CAST: variants seen among roughly 807,000 people sequenced by gnomAD.
The protein encoded by CAST is calpastatin.
CAST carries 76 observed loss-of-function variants against 119.6 expected under a neutral mutation model. The ratio of observed to expected loss-of-function variants is 0.64; its 90% CI spans 0.53 to 0.77. The LOEUF (loss-of-function observed/expected upper bound fraction) is 0.77. CAST is among the 30% of genes least tolerant of loss of function. The pLI is 0.00. For missense variants in CAST, 953 were observed against 946.5 expected, an observed-to-expected ratio of 1.01 and a Z score of -0.09; for synonymous variants, 319 against 331.6, an observed-to-expected ratio of 0.96 and a Z score of 0.41.
At position 96,742,750 on chromosome 5, in the gene CAST, C is replaced by G. The variant is rs764303127; in HGVS notation, c.1194C>G (p.Val398=). ...PELDLRSIKE[V]DEAKAKEEKL... is the part of the protein sequence containing the mutation. ...TCGACCTCCGCTCAATTAAGGAAGT[C>G]GATGAGGTACTGACCTTAGAGTTGA... Residue 398 remains valine, a synonymous_variant, in exon 16 of 32, where the codon GTC becomes GTG. Coordinates refer to ENST00000675179, the MANE Select transcript of CAST (RefSeq NM_001750.7). 1 of 1,610,440 alleles carries G rather than the reference C, an allele frequency of 6.2e-7. No individual in the cohort carries two copies. Among genetic ancestry groups the G allele is most frequent in the Non-Finnish European group, 8.5e-7 (1 of 1,176,778 alleles).
chr5:96,151,504 A>G, the CAST span, among the ~76,000 whole-genome samples: 1 of 152,100 alleles, frequency 6.6e-6, no homozygotes, highest in Admixed American at 6.5e-5. Context: ...AAGAATCATA[A>G]AACTGCTCTT....
chr5:96,529,047 T>C (rs1171808861), upstream of CAST, among the ~76,000 whole-genome samples: 1 of 152,250 alleles, frequency 6.6e-6, no homozygotes, highest in East Asian at 1.9e-4. Flanking sequence ...TGACATTTAT[T>C]TGGCAGGTTT....
chr5:96,011,876 T>C, the CAST span, among the ~76,000 whole-genome samples: 5 of 152,182 alleles, frequency 3.3e-5, no homozygotes, highest in Admixed American at 6.6e-5. Context: ...TAGAAATACA[T>C]TCTTAGAGTA....
the CAST span, among the ~76,000 whole-genome samples, chr5:96,073,784 C>T: frequency 6.6e-5 from 10 of 152,302 alleles, no homozygotes; most frequent in South Asian, 6.2e-4. Context: ...TTCTGCTGTG[C>T]GACCCTGTTC....
chr5:96,031,528 C>T, the CAST span, among the ~76,000 whole-genome samples: 1 of 152,130 alleles, frequency 6.6e-6, no homozygotes, highest in East Asian at 1.9e-4. Flanking sequence ...CATAAAGATA[C>T]TTTTCTTCAC....
chr5:96,047,199 C>T, the CAST span, among the ~76,000 whole-genome samples: 4 of 152,124 alleles, frequency 2.6e-5, no homozygotes, highest in African/African-American at 9.7e-5. Context: ...CTTGCAAGCT[C>T]ACAGATAAGC....
At chr5:96,140,658 C>A in the CAST span, among the ~76,000 whole-genome samples, 1 of 152,196 alleles carries the variant, frequency 6.6e-6, no homozygotes, top group Admixed American at 6.5e-5. Context: ...TAATGATAAT[C>A]TCTTCCTGAG....
At chr5:96,662,211 G>A (rs1035944803), upstream of CAST, 8 of 509,820 alleles carry the variant, frequency 1.6e-5, no homozygotes, top group African/African-American at 1.6e-4. Flanking sequence ...CAGGAGCCCG[G>A]GTCCCTCCGC....
rs1172563922 is a variant in CAST at position 96,529,866 on chromosome 5, C to T, written c.46C>T (p.Gln16Ter). 2.3e-6 allele frequency: 1 copy of T among 433,776 alleles called. No homozygotes were observed. The highest frequency in any genetic ancestry group is 1.6e-5 in the South Asian group (1 of 60,958). The allele number at this position is 433,776 out of a possible 1,614,324, so 26.9% of individuals were successfully genotyped here. ...GATTGTAAGTTTCCTGAGGCCTTCC[C>T]AGCCATTCAGAACTGTGAGTCAATT... The change falls in exon 1 of 12, where the codon CAG becomes TAG. Residue 16 changes from glutamine (Q) to a stop codon, truncating the protein, a stop_gained. Transcript: ENST00000505143. LOFTEE classifies it high-confidence loss of function.
At chr5:96,109,939 A>G in the CAST span, among the ~76,000 whole-genome samples, 2 of 152,104 alleles carry the variant, frequency 1.3e-5, no homozygotes, top group Admixed American at 1.3e-4. Flanking sequence ...ATGATAAAAA[A>G]AAAAGAAAAA....
chr5:96,233,325 T>C, the CAST span, among the ~76,000 whole-genome samples: 1 of 152,072 alleles, frequency 6.6e-6, no homozygotes, highest in Non-Finnish European at 1.5e-5. Flanking sequence ...GATATAGGAC[T>C]GGGATTCAAG....
At chr5:96,736,444 C>A (rs563756757) in intron 10 of CAST, among the ~76,000 whole-genome samples, 1 of 142,584 alleles carries the variant, frequency 7.0e-6, no homozygotes, top group Non-Finnish European at 1.6e-5. Context: ...CTATTATAAC[C>A]CCTTTTTTAA....
In CAST at chr5:96,617,790, TAAAAAAAAAAAAAAAAAAAAAAAAA is replaced by T. The variant is rs1162873931; in HGVS notation, c.61-57734_61-57710del. Reference sequence around the variant, plus strand: ...CTGGGCAACAGAGCAAAATTCCATCTAAAAAAAAAAAAAAAAAAAAAAAAAAAAAAAAAAAAAAACACTCTTAGGA... The same window carrying T: ...CTGGGCAACAGAGCAAAATTCCATCTAAAAAAAAAAAAAACACTCTTAGGA... On this transcript the variant is annotated intron_variant, in intron 1 of 11. Transcript: ENST00000505143. 4.2e-3 allele frequency among the ~76,000 whole-genome samples: 93 copies of T among 22,000 alleles called. 4 individuals carry two copies. The East Asian group carries it at 0.08, about 19-fold the overall frequency. 14.4% of individuals were successfully genotyped at this position (22,000 alleles called of 152,430 possible).
upstream of CAST, among the ~76,000 whole-genome samples, chr5:96,522,477 C>T (rs575362845): frequency 1.3e-5 from 2 of 152,192 alleles, no homozygotes; most frequent in East Asian, 3.9e-4. Flanking sequence ...GACGCTGTAG[C>T]CTATGTCAAG....
chr5:96,144,956 C>G, the CAST span, among the ~76,000 whole-genome samples: 7 of 152,280 alleles, frequency 4.6e-5, no homozygotes, highest in South Asian at 1.5e-3. Flanking sequence ...TCCTCACCCT[C>G]TAAAATTTAC....
chr5:96,648,726 G>GTC, intron 1 of CAST, among the ~76,000 whole-genome samples: 2 of 151,814 alleles, frequency 1.3e-5, no homozygotes, highest in Non-Finnish European at 1.5e-5. Flanking sequence ...GCGTGTGTGT[G>GTC]TGTGTGTGTG....
At chr5:96,332,727 A>G in the CAST span, among the ~76,000 whole-genome samples, 1 of 152,126 alleles carries the variant, frequency 6.6e-6, no homozygotes, top group South Asian at 2.1e-4. Flanking sequence ...TAACACTTCA[A>G]ACTGCTGACA....
chr5:96,643,206 T>C (rs1287388916), intron 1 of CAST, among the ~76,000 whole-genome samples: 2 of 152,252 alleles, frequency 1.3e-5, no homozygotes, highest in Non-Finnish European at 2.9e-5. Flanking sequence ...TTCAAAATGA[T>C]ATAATATCTG....
At chr5:96,656,566 C>T (rs934325566) in intron 1 of CAST, among the ~76,000 whole-genome samples, 14 of 152,154 alleles carry the variant, frequency 9.2e-5, no homozygotes, top group African/African-American at 3.1e-4. Flanking sequence ...ACATGCTTCA[C>T]GTTACGGTTT....
Sources: gnomAD v4.1 joint callset for allele counts (sites outside exome capture counted in the v4.1 genomes callset) on GRCh38, gnomAD v4.1.1 for gene constraint, MANE v1.5 for transcripts, NCBI Gene and HGNC (gene_info 2026-07-23, HGNC 2026-07-21) for gene names.